The following RYR2 variants were observed in gnomAD, a reference collection of about 807,000 sequenced individuals.
The protein encoded by RYR2 is ryanodine receptor 2.
A neutral mutation model predicts 601.1 loss-of-function variants in RYR2; 227 were observed. The ratio of observed to expected loss-of-function variants is 0.38; its 90% CI spans 0.34 to 0.42. The LOEUF is 0.42. RYR2 is among the 10% of genes least tolerant of loss of function. RYR2 has a pLI of 1.00. For synonymous variants in RYR2, 2,223 were observed against 2,175.1 expected, an observed-to-expected ratio of 1.02 and a Z score of -0.61; for missense variants, 4,646 against 6,156.5, an observed-to-expected ratio of 0.75 and a Z score of 8.21.
rs189863678 is a variant in RYR2, at chr1:237,506,505, T to A, written c.2614-205T>A. 5.1e-3 allele frequency among the ~76,000 whole-genome samples: 756 copies of A among 149,410 alleles called. 3 individuals carry two copies. Among genetic ancestry groups the A allele is most frequent in the Non-Finnish European group, 8.2e-3 (557 of 67,742 alleles). ...GTGAGCAGAGATCGCGCCACTGCAC[T>A]CCAGCCTGGGCGACAGAGTGAGACT... On this transcript the variant is annotated intron_variant, in intron 22 of 104. Coordinates refer to ENST00000366574, the MANE Select transcript of RYR2 (RefSeq NM_001035.3).
chr1:237,162,026 G>A (rs1381058273), intron 1 of RYR2, among the ~76,000 whole-genome samples: 1 of 152,122 alleles, frequency 6.6e-6, no homozygotes, highest in Non-Finnish European at 1.5e-5. Flanking sequence ...CTAGCTCTGT[G>A]TGGATATTTA....
chr1:237,574,280 C>A (rs1195396406), intron 29 of RYR2, among the ~76,000 whole-genome samples: 1 of 152,116 alleles, frequency 6.6e-6, no homozygotes, highest in Non-Finnish European at 1.5e-5. Flanking sequence ...TCCATGAATT[C>A]TTGTCTCTTC....
chr1:237,532,423 GT>G (rs1668225343), intron 25 of RYR2, among the ~76,000 whole-genome samples: 1 of 151,824 alleles, frequency 6.6e-6, no homozygotes, highest in Non-Finnish European at 1.5e-5. Context: ...TTTTTTCAGG[GT>G]GACAGCTCAA....
chr1:237,785,857 C>A, intron 90 of RYR2, 112 bp from the exon 91 acceptor site: 1 of 774,936 alleles, frequency 1.3e-6, no homozygotes, highest in Non-Finnish European at 2.2e-6. Flanking sequence ...GTGGTATAAG[C>A]AAGAGGGTAT....
rs545706115 is a variant in RYR2, at chr1:237,139,293, G to A, written c.48+96724G>A. Among the ~76,000 whole-genome samples the A allele has an allele frequency of 4.6e-5, 7 of 152,316 alleles. No individual in the cohort carries two copies. The South Asian group carries it at 1.4e-3, about 32-fold the overall frequency. On this transcript the variant is annotated intron_variant, in intron 1 of 104. Transcript: ENST00000366574. ...AAACCAGTCACAAAGGACAACATCT[G>A]TGGGATTCCACTGATATGAAATATC...
At chr1:237,286,760 T>C (rs1258663942) in intron 2 of RYR2, among the ~76,000 whole-genome samples, 2 of 151,906 alleles carry the variant, frequency 1.3e-5, no homozygotes, top group Non-Finnish European at 2.9e-5. Flanking sequence ...CATTCTGTGG[T>C]TCTATATCTT....
intron 78 of RYR2, among the ~76,000 whole-genome samples, chr1:237,733,118 A>G (rs1387485946): frequency 6.6e-6 from 1 of 152,158 alleles, no homozygotes; most frequent in Non-Finnish European, 1.5e-5. Flanking sequence ...TATTTCTCAT[A>G]AGTGAATTTT....
chr1:237,375,774 T>C (rs1246435758), intron 7 of RYR2, among the ~76,000 whole-genome samples: 3 of 152,192 alleles, frequency 2.0e-5, no homozygotes, highest in Admixed American at 6.5e-5. Flanking sequence ...GTTTTCTTAT[T>C]CTAGTTAATG....
At chr1:237,551,530 CAAAAAA>C in intron 27 of RYR2, among the ~76,000 whole-genome samples, 1 of 90,522 alleles carries the variant, frequency 1.1e-5, no homozygotes, top group South Asian at 4.7e-4. Flanking sequence ...GACTCCGTCT[CAAAAAA>C]AAAAAAAAAA....
At chr1:237,729,572 A>C (rs1690501706) in intron 76 of RYR2, among the ~76,000 whole-genome samples, 1 of 152,048 alleles carries the variant, frequency 6.6e-6, no homozygotes, top group Non-Finnish European at 1.5e-5. Flanking sequence ...ATTCTATCAC[A>C]TCTGTTGTTG....
At chr1:237,731,724 A>G (rs1690694204) in intron 77 of RYR2, among the ~76,000 whole-genome samples, 1 of 152,170 alleles carries the variant, frequency 6.6e-6, no homozygotes. Flanking sequence ...TGAGCTGCAT[A>G]ATTTTACAAT....
chr1:237,828,656 C>T (rs971086943), intron 102 of RYR2, among the ~76,000 whole-genome samples: 17 of 152,170 alleles, frequency 1.1e-4, no homozygotes, highest in South Asian at 4.1e-4. Context: ...ATGCAAACAG[C>T]GATAGGACAC....
intron 1 of RYR2, among the ~76,000 whole-genome samples, chr1:237,169,609 G>A (rs1370030700): frequency 1.3e-5 from 2 of 152,066 alleles, no homozygotes; most frequent in African/African-American, 2.4e-5. Flanking sequence ...TTTTTGCTGG[G>A]TAAAATACAC....
chr1:237,489,861 A>G (rs1663126864), intron 17 of RYR2, among the ~76,000 whole-genome samples: 1 of 152,368 alleles, frequency 6.6e-6, no homozygotes, highest in African/African-American at 2.4e-5. Context: ...CACTATTCAC[A>G]AGAGCAAAGA....
chr1:237,699,068 G>A, intron 64 of RYR2, 43 bp downstream of exon 64: 3 of 913,514 alleles, frequency 3.3e-6, no homozygotes, highest in Non-Finnish European at 5.2e-6. Context: ...CTATAATAAT[G>A]ATACATGTAT....
intron 1 of RYR2, among the ~76,000 whole-genome samples, chr1:237,045,763 C>T (rs1572434985): frequency 7.7e-6 from 1 of 130,098 alleles, no homozygotes; most frequent in African/African-American, 2.7e-5. Flanking sequence ...GCATCTTTTT[C>T]GTTATGGTCC....
intron 2 of RYR2, among the ~76,000 whole-genome samples, chr1:237,289,913 T>C (rs1222220217): frequency 2.6e-5 from 4 of 152,178 alleles, no homozygotes; most frequent in Non-Finnish European, 5.9e-5. Context: ...TTTTTTCCAG[T>C]AGGTAATACA....
chr1:237,117,746 T>C (rs920357859), intron 1 of RYR2, among the ~76,000 whole-genome samples: 3 of 137,168 alleles, frequency 2.2e-5, no homozygotes, highest in East Asian at 2.1e-4. Context: ...TCTTCTCTTC[T>C]CTTCTCTTCT....
intron 1 of RYR2, among the ~76,000 whole-genome samples, chr1:237,110,773 T>A (rs1669384716): frequency 6.6e-6 from 1 of 152,238 alleles, no homozygotes; most frequent in African/African-American, 2.4e-5. Flanking sequence ...AACCTCCTGC[T>A]GTGGACTGAA....
Sources: allele counts gnomAD v4.1 joint callset (sites outside exome capture counted in the v4.1 genomes callset), GRCh38; gene constraint gnomAD v4.1.1; transcripts MANE v1.5; gene names NCBI Gene and HGNC (gene_info 2026-07-23, HGNC 2026-07-21).